Variants in CDH26 observed in about 807,000 individuals in gnomAD.
CDH26 encodes cadherin-like protein 26.
A neutral mutation model predicts 90.3 loss-of-function variants in CDH26; 83 were observed. That is an observed-to-expected ratio of 0.92 (90% CI 0.77 to 1.10). The LOEUF (loss-of-function observed/expected upper bound fraction) is 1.10, where lower values mean the gene tolerates loss of function less well. Ranked by LOEUF, CDH26 falls within the 50% of genes least tolerant of loss-of-function variation. The pLI is 0.00. For synonymous variants in CDH26, 397 were observed against 396.3 expected (o/e 1.00, Z -0.02); for missense variants, 1,013 against 1,037.6 (o/e 0.98, Z 0.33).
At chr20:59,964,435 C>A (rs902766594) in intron 1 of CDH26, among the ~76,000 whole-genome samples, 4 of 148,940 alleles carry the variant, frequency 2.7e-5, no homozygotes, top group Admixed American at 6.7e-5. Flanking sequence ...GAAAGAACCC[C>A]CCGCCCCCGA....
chr20:59,963,273 C>A (rs2061100083), intron 1 of CDH26, among the ~76,000 whole-genome samples: 1 of 69,076 alleles, frequency 1.4e-5, no homozygotes, highest in Non-Finnish European at 3.0e-5. Context: ...TTTTTTTTGG[C>A]AGGGTCTCAC....
intron 15 of CDH26, among the ~76,000 whole-genome samples, 157 bp from the exon 16 acceptor site, chr20:60,002,656 T>C (rs2061692058): frequency 6.6e-6 from 1 of 152,132 alleles, no homozygotes; most frequent in Admixed American, 6.5e-5. Context: ...CTGTGAAACT[T>C]GTTCATGAAT....
rs2062031446 is a variant in CDH26, at chr20:60,030,400, G to A, written c.948-831G>A. Among the ~76,000 whole-genome samples, 1 of 151,892 alleles carries A rather than the reference G, an allele frequency of 6.6e-6. No individual in the cohort carries two copies. Among genetic ancestry groups the A allele is most frequent in the Non-Finnish European group, 1.5e-5 (1 of 67,952 alleles). On this transcript the variant is annotated intron_variant, in intron 7 of 8. Transcript: ENST00000370991. The surrounding 1 kb of genome is among the most constrained non-coding windows in gnomAD (Gnocchi z 4.0). ...GGTTTTTTTTTGTTTGCTTTTTTTT[G>A]TTTTGTTTTGTTTTTGTTTTTTTCA...
Position 60,002,774 on chromosome 20 carries a change from A to G in CDH26, c.2167-39A>G, listed in dbSNP as rs201088302. On this transcript the variant is annotated intron_variant, in intron 15 of 17. Coordinates refer to ENST00000348616, the MANE Select transcript of CDH26 (RefSeq NM_177980.4). ...AGTTATGTATTTGCATCCTTTGGTA[A>G]TTTATTTGAAATCAGTAAATATTTC... 20 of 1,521,430 alleles carry G rather than the reference A, an allele frequency of 1.3e-5. No homozygotes were observed. The East Asian group carries it at 2.7e-4, about 21-fold the overall frequency. 94.2% of individuals were successfully genotyped at this position (1,521,430 alleles called of 1,614,324 possible).
chr20:60,015,463 T>A (rs1032140612), downstream of CDH26, among the ~76,000 whole-genome samples: 3 of 152,246 alleles, frequency 2.0e-5, no homozygotes, highest in African/African-American at 7.2e-5. Flanking sequence ...TTACCCATTT[T>A]AAAATTGGAT....
intron 13 of CDH26, among the ~76,000 whole-genome samples, chr20:59,997,167 T>C (rs1175749725): frequency 6.6e-6 from 1 of 152,216 alleles, no homozygotes; most frequent in African/African-American, 2.4e-5. Context: ...CTTAGGGAAA[T>C]AGTGTTTTTT....
intron 16 of CDH26, among the ~76,000 whole-genome samples, chr20:60,005,976 G>A (rs753614680): frequency 6.6e-6 from 1 of 152,116 alleles, no homozygotes; most frequent in Non-Finnish European, 1.5e-5. Context: ...CTTCTCATTG[G>A]AATTCCCTTC....
chr20:59,969,129 T>G lies in CDH26; in HGVS notation c.126+106T>G, dbSNP rs184883173. ...CTTTAGTGCCCTGCCAATGTTTGGT[T>G]TGCAGAAAATAAAATAGTAACTTCA... On this transcript the variant is annotated intron_variant, in intron 2 of 17. Coordinates refer to ENST00000348616, the MANE Select transcript of CDH26 (RefSeq NM_177980.4). The G allele has an allele frequency of 2.3e-5, 16 of 687,816 alleles. No homozygotes were observed. The East Asian group carries it at 4.1e-4, about 18-fold the overall frequency. The allele number at this position is 687,816 out of a possible 1,614,324, so 42.6% of individuals were successfully genotyped here.
intron 15 of CDH26, among the ~76,000 whole-genome samples, chr20:60,001,852 T>A (rs2061681003): frequency 6.6e-6 from 1 of 152,210 alleles, no homozygotes; most frequent in Non-Finnish European, 1.5e-5. Flanking sequence ...TCCAGGACTA[T>A]TGCTTTGTGA....
intron 15 of CDH26, among the ~76,000 whole-genome samples, chr20:60,001,998 A>G (rs1268304081): frequency 6.6e-6 from 1 of 152,200 alleles, no homozygotes; most frequent in African/African-American, 2.4e-5. Context: ...CTTTGGCACA[A>G]CACTGTGAGT....
chr20:60,017,999 T>A (rs961016783), downstream of CDH26, among the ~76,000 whole-genome samples: 3 of 152,058 alleles, frequency 2.0e-5, no homozygotes, highest in Non-Finnish European at 4.4e-5. Context: ...TTTTAAAAAC[T>A]TTTTGAAGCT....
Position 59,995,869 on chromosome 20 carries a change from C to T in CDH26, c.1703C>T (p.Pro568Leu). Residue 568 changes from proline to leucine, a missense_variant, in exon 12 of 18, where the codon CCA (proline) becomes CTA (leucine). Physicochemically the swap from Pro to Leu is moderately conservative, Grantham distance 98. Coordinates refer to ENST00000348616, the MANE Select transcript of CDH26 (RefSeq NM_177980.4). ...GAACTTTTAACCTTGAGAAGCCTGC[C>T]ACGTGGTAATTACTTGGTGCCACTC... ...SVELLTLRSLPRGNYLVPLFI... is the reference protein window; with the variant it reads ...SVELLTLRSLLRGNYLVPLFI... 6.2e-7 allele frequency: 1 copy of T among 1,614,200 alleles called. No homozygotes were observed. The highest frequency in any genetic ancestry group is 1.1e-5 in the South Asian group (1 of 91,082).
At chr20:60,021,875 C>CATATATAT (rs1313976806) in intron 7 of CDH26, among the ~76,000 whole-genome samples, 1 of 103,374 alleles carries the variant, frequency 9.7e-6, no homozygotes, top group Admixed American at 1.0e-4. Context: ...CACACACACA[C>CATATATAT]ACACACACAC....
Position 59,958,763 on chromosome 20 carries a change from C to A in CDH26, c.37C>A (p.Leu13Met). 1.9e-6 allele frequency: 3 copies of A among 1,614,102 alleles called. No homozygotes were observed. Among genetic ancestry groups the A allele is most frequent in the Middle Eastern group, 3.3e-4 (2 of 6,060 alleles). ...ATCCGGGAGGCACCCCTCGCTGCTG[C>A]TGCTTCTAGTGCTGCTGCTGTGGCT... is the stretch of plus-strand genomic sequence containing the variant. ...MRSGRHPSLLLLLVLLLWLLQ... is the reference protein window; with the variant it reads ...MRSGRHPSLLMLLVLLLWLLQ... The change falls in exon 1 of 18, where the codon CTG becomes ATG. Residue 13 changes from leucine (L) to methionine (M), a missense_variant. Leu to Met is a conservative substitution (Grantham distance 15). Coordinates refer to ENST00000348616, the MANE Select transcript of CDH26 (RefSeq NM_177980.4).
chr20:59,979,293 G>A (rs2061365493), intron 4 of CDH26, among the ~76,000 whole-genome samples: 1 of 149,656 alleles, frequency 6.7e-6, no homozygotes. Context: ...CCATCTCCCA[G>A]GTTCAAGCAA....
At chr20:59,960,150 C>A (rs1221309176) in intron 1 of CDH26, among the ~76,000 whole-genome samples, 1 of 152,156 alleles carries the variant, frequency 6.6e-6, no homozygotes, top group African/African-American at 2.4e-5. Context: ...ACCTAGGGAG[C>A]TTCAAGGGAT....
At position 60,031,374 on chromosome 20, in the gene CDH26, G is replaced by A. The variant is rs1300518857; in HGVS notation, c.1092G>A (p.Gly364=). Residue 364 remains glycine, a synonymous_variant, in exon 8 of 9, where the codon GGG becomes GGA. Transcript: ENST00000370991. ...CGCAGACTGGTAAACGGAAACACGG[G>A]GCTTTGGCTCGAACACCCTCTTTCA... The A allele has an allele frequency of 1.3e-5, 16 of 1,261,136 alleles. No individual in the cohort carries two copies. The South Asian group carries it at 1.9e-4, about 15-fold the overall frequency. The allele number at this position is 1,261,136 out of a possible 1,614,324, so 78.1% of individuals were successfully genotyped here.
intron 16 of CDH26, among the ~76,000 whole-genome samples, chr20:60,003,122 C>A (rs2061698420): frequency 3.3e-5 from 5 of 152,168 alleles, no homozygotes. Context: ...GTTGCTAAGA[C>A]CTCAGTCATA....
rs376562799 is a variant in CDH26, at chr20:59,994,239, C to T, written c.1427-11C>T. 6.8e-6 allele frequency: 11 copies of T among 1,613,606 alleles called. No homozygotes were observed. The East Asian group carries it at 1.1e-4, about 16-fold the overall frequency. On this transcript the variant is annotated splice_polypyrimidine_tract_variant and intron_variant, in intron 10 of 17. Coordinates refer to ENST00000348616, the MANE Select transcript of CDH26 (RefSeq NM_177980.4). Reference sequence around the variant, plus strand: ...AGATAAACAACTCCTGAAACTTCCTCCCCATACAAGGCTTCCCACCGCAGA... The same window carrying T: ...AGATAAACAACTCCTGAAACTTCCTTCCCATACAAGGCTTCCCACCGCAGA...
Sources: gnomAD v4.1 joint callset for allele counts (sites outside exome capture counted in the v4.1 genomes callset) on GRCh38, gnomAD v4.1.1 for gene constraint, Gnocchi (gnomAD v3.1) non-coding constraint, MANE v1.5 for transcripts, NCBI Gene and HGNC (gene_info 2026-07-23, HGNC 2026-07-21) for gene names.